The following PSD3 variants were observed in gnomAD, a reference collection of about 807,000 sequenced individuals.
PSD3 encodes PH and SEC7 domain-containing protein 3.
In PSD3, 49 loss-of-function variants were observed where a neutral mutation model predicts 105.5. That is an observed-to-expected ratio of 0.46 (90% CI 0.37 to 0.59). The LOEUF is 0.59. Ranked by LOEUF, PSD3 falls within the 20% of genes least tolerant of loss-of-function variation. The probability of loss-of-function intolerance (pLI) is 0.00; values close to 1 mark genes in which losing one functional copy is unlikely to be tolerated. For missense variants in PSD3, 1,561 were observed against 1,263.8 expected (o/e 1.24, Z -3.57); for synonymous variants, 557 against 457.8 (o/e 1.22, Z -2.77).
At chr8:18,869,773 TG>T (rs1273296120) in intron 3 of PSD3, among the ~76,000 whole-genome samples, 1 of 152,240 alleles carries the variant, frequency 6.6e-6, no homozygotes, top group Non-Finnish European at 1.5e-5. Flanking sequence ...TGTAGGTCTC[TG>T]TTCTTTCCTT....
At chr8:18,925,240 CA>C (rs968425039) in intron 2 of PSD3, among the ~76,000 whole-genome samples, 7 of 152,038 alleles carry the variant, frequency 4.6e-5, no homozygotes, top group African/African-American at 1.4e-4. Context: ...TTTAAAAATA[CA>C]AAAGTCAGCC....
intron 1 of PSD3, among the ~76,000 whole-genome samples, chr8:19,067,516 G>A (rs1440444441): frequency 6.6e-6 from 1 of 152,198 alleles, no homozygotes; most frequent in Non-Finnish European, 1.5e-5. Flanking sequence ...AACTCTCTGA[G>A]TATAACTCGA....
Position 18,867,851 on chromosome 8 carries a change from A to C in PSD3, c.1457T>G (p.Ile486Ser). 6.2e-7 allele frequency: 1 copy of C among 1,614,160 alleles called. No homozygotes were observed. Among genetic ancestry groups the C allele is most frequent in the Non-Finnish European group, 8.5e-7 (1 of 1,180,028 alleles). The change falls in exon 4 of 16, where the codon ATT becomes AGT. Residue 486 changes from isoleucine (I) to serine (S), a missense_variant. Ile to Ser is a moderately radical substitution (Grantham distance 142). Transcript: ENST00000327040. Reference sequence around the variant, plus strand: ...CTCCAAGAACTGACCACCTTCTTTAATGCGCTGTTGTATCATTGGAGTGAG... The same window carrying C: ...CTCCAAGAACTGACCACCTTCTTTACTGCGCTGTTGTATCATTGGAGTGAG... Reference protein sequence around the residue: ...MPLTPMIQQRIKEGGQFLERT... With the variant: ...MPLTPMIQQRSKEGGQFLERT...
rs535276570 is a variant in PSD3, at chr8:18,882,194, C to A, written c.131-9461G>T. Among the ~76,000 whole-genome samples the A allele has an allele frequency of 3.6e-4, 54 of 151,246 alleles. No homozygotes were observed. The South Asian group carries it at 0.011, about 32-fold the overall frequency. On this transcript the variant is annotated intron_variant, in intron 2 of 15. Transcript: ENST00000327040. ...CTGCCCTCTAGCCGGGACAACACAG[C>A]AAGATTCTGTCTCAACAAACAAACA...
chr8:18,935,344 T>C (rs1159728990), intron 2 of PSD3, among the ~76,000 whole-genome samples: 1 of 152,030 alleles, frequency 6.6e-6, no homozygotes. Context: ...AAAATCATTG[T>C]GGAAATGTTT....
At chr8:18,863,009 A>G (rs956573660) in intron 4 of PSD3, among the ~76,000 whole-genome samples, 3 of 152,156 alleles carry the variant, frequency 2.0e-5, no homozygotes, top group Admixed American at 1.3e-4. Flanking sequence ...GTTCTGCCAT[A>G]CCCGTTAGTA....
intron 4 of PSD3, among the ~76,000 whole-genome samples, chr8:18,847,923 G>C (rs990910787): frequency 6.6e-6 from 1 of 152,112 alleles, no homozygotes; most frequent in African/African-American, 2.4e-5. Context: ...AGAAACAATC[G>C]GGGAGACATG....
chr8:19,078,137 A>G (rs4921990), intron 1 of PSD3, among the ~76,000 whole-genome samples: 5,576 of 152,156 alleles, frequency 0.037, 113 homozygotes, highest in African/African-American at 0.044. Flanking sequence ...CTCAACTGAG[A>G]TTCCTTCCTC....
chr8:18,650,049 A>G (rs1480885861), intron 10 of PSD3, among the ~76,000 whole-genome samples: 3 of 152,234 alleles, frequency 2.0e-5, no homozygotes, highest in African/African-American at 7.2e-5. Context: ...ACAGACTAAA[A>G]CAGGGAGATT....
At chr8:18,544,771 G>A (rs562723463) in intron 15 of PSD3, among the ~76,000 whole-genome samples, 1 of 152,216 alleles carries the variant, frequency 6.6e-6, no homozygotes, top group African/African-American at 2.4e-5. Flanking sequence ...TCTGCATTCT[G>A]TTCCCACACC....
intron 9 of PSD3, among the ~76,000 whole-genome samples, chr8:18,680,245 A>G (rs1800304787): frequency 6.6e-6 from 1 of 152,238 alleles, no homozygotes; most frequent in Non-Finnish European, 1.5e-5. Flanking sequence ...TGCACATTCC[A>G]AATTCTGGAG....
intron 4 of PSD3, among the ~76,000 whole-genome samples, chr8:18,863,012 C>A (rs145542894): frequency 6.6e-6 from 1 of 152,120 alleles, no homozygotes; most frequent in Non-Finnish European, 1.5e-5. Context: ...CTGCCATACC[C>A]GTTAGTATCC....
chr8:18,922,835 A>C (rs1821118411), intron 2 of PSD3, among the ~76,000 whole-genome samples: 1 of 152,188 alleles, frequency 6.6e-6, no homozygotes, highest in Non-Finnish European at 1.5e-5. Flanking sequence ...CAAAGGATAC[A>C]GATAAAGGGA....
chr8:18,916,297 GATATATAT>G (rs71218908), intron 2 of PSD3, among the ~76,000 whole-genome samples: 1,618 of 30,688 alleles, frequency 0.053, 94 homozygotes, highest in East Asian at 0.091. Context: ...TAAAAAAAGT[GATATATAT>G]ATATATATAT....
At chr8:18,558,041 T>G (rs946788760) in intron 14 of PSD3, among the ~76,000 whole-genome samples, 1 of 152,206 alleles carries the variant, frequency 6.6e-6, no homozygotes, top group Admixed American at 6.5e-5. Context: ...AAGGCCATGG[T>G]GGCCATCCAC....
rs187205904 is a variant in PSD3, at chr8:18,903,038, T to C, written c.131-30305A>G. ...TTGTGAACCTCCTGTGGCACCTGCA[T>C]CTTGGAGTGCGAACTTGCTGTCTGT... On this transcript the variant is annotated intron_variant, in intron 2 of 15. Transcript: ENST00000327040. 5.3e-5 allele frequency among the ~76,000 whole-genome samples: 8 copies of C among 152,238 alleles called. No homozygotes were observed. In the East Asian group the frequency reaches 1.4e-3, roughly 26 times the overall value.
intron 2 of PSD3, among the ~76,000 whole-genome samples, chr8:18,900,124 T>C (rs1449936323): frequency 6.6e-6 from 1 of 152,190 alleles, no homozygotes; most frequent in Non-Finnish European, 1.5e-5. Context: ...TCTCCTGTTA[T>C]CTTGACATTT....
At chr8:18,556,892 C>T (rs1265676281) in intron 14 of PSD3, among the ~76,000 whole-genome samples, 1 of 152,218 alleles carries the variant, frequency 6.6e-6, no homozygotes. Context: ...AGCTATCTCG[C>T]TTTTCTCTTA....
chr8:18,715,585 C>T (rs1018399550), intron 9 of PSD3, among the ~76,000 whole-genome samples: 1 of 152,132 alleles, frequency 6.6e-6, no homozygotes, highest in African/African-American at 2.4e-5. Flanking sequence ...GTCTCTGGAG[C>T]TAAATAAAAC....
Sources: gnomAD v4.1 joint callset for allele counts (sites outside exome capture counted in the v4.1 genomes callset) on GRCh38, gnomAD v4.1.1 for gene constraint, MANE v1.5 for transcripts, NCBI Gene and HGNC (gene_info 2026-07-23, HGNC 2026-07-21) for gene names.